The following SSUH2 variants were observed in gnomAD, a reference collection of about 807,000 sequenced individuals.
SSUH2 encodes ssu-2 homolog.
SSUH2 carries 47 observed loss-of-function variants against 55.3 expected under a neutral mutation model. The ratio of observed to expected loss-of-function variants is 0.85; its 90% CI spans 0.67 to 1.08. SSUH2 has a LOEUF of 1.08. SSUH2 is among the 50% of genes least tolerant of loss of function. The pLI is 0.00. For missense variants in SSUH2, 535 were observed against 490.7 expected (o/e 1.09, Z -0.85); for synonymous variants, 212 against 191.5 (o/e 1.11, Z -0.89).
At chr3:8,653,362 G>A (rs1337030365) in intron 7 of SSUH2, among the ~76,000 whole-genome samples, 1 of 152,102 alleles carries the variant, frequency 6.6e-6, no homozygotes, top group African/African-American at 2.4e-5. Context: ...AAAACTAATG[G>A]TCACCCCACC....
chr3:8,635,589 A>G (rs1356784214), intron 2 of SSUH2, among the ~76,000 whole-genome samples, 170 bp downstream of exon 2: 1 of 152,244 alleles, frequency 6.6e-6, no homozygotes. Flanking sequence ...CATAGACAGA[A>G]GGCCTATGCC....
At chr3:8,663,731 T>C (rs1057304536) in intron 6 of SSUH2, 3 of 451,500 alleles carry the variant, frequency 6.6e-6, no homozygotes, top group African/African-American at 2.0e-5. Flanking sequence ...CACTGGTCCA[T>C]AGACGCTCTT....
intron 7 of SSUH2, among the ~76,000 whole-genome samples, chr3:8,653,871 G>C (rs761545393): frequency 6.6e-5 from 10 of 152,080 alleles, no homozygotes; most frequent in Non-Finnish European, 1.2e-4. Flanking sequence ...GCCACTTTCC[G>C]GTACTCACTC....
rs1199114642 is a variant in SSUH2 at position 8,678,585 on chromosome 3, C to T, written c.-901+1120G>A. ...CAATCACAGAGGGGGGAACACCCCC[C>T]GCGAGGCAGGGACTGAGAGCCAGCC... On this transcript the variant is annotated intron_variant, in intron 2 of 18. Coordinates refer to the SSUH2 transcript ENST00000317371. 7.1e-5 allele frequency among the ~76,000 whole-genome samples: 8 copies of T among 113,246 alleles called. 2 individuals are homozygous for T. The highest frequency in any genetic ancestry group is 1.8e-4 in the Admixed American group (2 of 11,356). 74.3% of individuals were successfully genotyped at this position (113,246 alleles called of 152,430 possible). A position where few individuals can be genotyped will look rare whatever the true frequency, so the allele number is the denominator to read the frequency against.
chr3:8,622,103 T>C (rs374376599), intron 11 of SSUH2, among the ~76,000 whole-genome samples: 1 of 152,174 alleles, frequency 6.6e-6, no homozygotes, highest in Admixed American at 6.5e-5. Flanking sequence ...CTCAGAGTCA[T>C]GGCCATGGCT....
chr3:8,634,036 T>C, intron 3 of SSUH2: 2 of 1,326,332 alleles, frequency 1.5e-6, no homozygotes, highest in Non-Finnish European at 2.1e-6. Flanking sequence ...AATGTGGAGC[T>C]TAGGAGAAAA....
chr3:8,676,429 G>C (rs182036512), intron 3 of SSUH2, among the ~76,000 whole-genome samples: 2 of 150,938 alleles, frequency 1.3e-5, no homozygotes, highest in African/African-American at 2.4e-5. Flanking sequence ...CTCCAGGATC[G>C]TGGGAAAAAT....
chr3:8,635,208 G>A lies in SSUH2; in HGVS notation c.209+92C>T, dbSNP rs1699717175. On this transcript the variant is annotated intron_variant, in intron 3 of 11. Coordinates refer to ENST00000544814, the MANE Select transcript of SSUH2 (RefSeq NM_001256748.3). ...TCTGGGGTGCAGACGGCCCCCTCCA[G>A]GGATCCTGATGCACTGCCAGGGCTG... 1.5e-5 allele frequency: 17 copies of A among 1,119,828 alleles called. No individual in the cohort carries two copies. In the South Asian group the frequency reaches 2.6e-4, roughly 17 times the overall value. 69.4% of individuals were successfully genotyped at this position (1,119,828 alleles called of 1,614,324 possible). A position where few individuals can be genotyped will look rare whatever the true frequency, so the allele number is the denominator to read the frequency against.
upstream of SSUH2, among the ~76,000 whole-genome samples, chr3:8,648,536 C>T (rs1016368309): frequency 3.3e-5 from 5 of 152,094 alleles, no homozygotes; most frequent in African/African-American, 1.2e-4. Flanking sequence ...GTCTCCTCAG[C>T]GACAGCAAAG....
At chr3:8,672,342 T>A (rs1410538982) in intron 3 of SSUH2, among the ~76,000 whole-genome samples, 1 of 152,114 alleles carries the variant, frequency 6.6e-6, no homozygotes, top group African/African-American at 2.4e-5. Context: ...GCCCTGCACA[T>A]TACAAAAAAT....
chr3:8,675,253 G>T (rs1355842172), intron 3 of SSUH2, among the ~76,000 whole-genome samples: 8 of 152,332 alleles, frequency 5.3e-5, no homozygotes, highest in African/African-American at 1.9e-4. Context: ...GAAGCTGTTT[G>T]CCTTTCAGTG....
chr3:8,635,826 ACTCTCGGC>A lies in SSUH2; in HGVS notation c.52_59del (p.Ala18SerfsTer16). On this transcript the variant is annotated frameshift_variant, in exon 2 of 12. Coordinates refer to ENST00000544814, the MANE Select transcript of SSUH2 (RefSeq NM_001256748.3). LOFTEE classifies it high-confidence loss of function. ...GGAGCTCTGTGGGGGGCGCCAGAGG[ACTCTCGGC>A]CTCAAAACTGAGGTCCACCACACCT... 1.3e-6 allele frequency: 2 copies of A among 1,535,820 alleles called. No individual in the cohort carries two copies. Among genetic ancestry groups the A allele is most frequent in the Non-Finnish European group, 1.7e-6 (2 of 1,146,800 alleles).
chr3:8,645,424 T>C (rs1701554078), upstream of SSUH2, among the ~76,000 whole-genome samples: 2 of 152,204 alleles, frequency 1.3e-5, no homozygotes, highest in Non-Finnish European at 2.9e-5. Flanking sequence ...GAAACATCTT[T>C]GGATTTGTAA....
At chr3:8,665,602 C>T (rs1703919442) in intron 5 of SSUH2, among the ~76,000 whole-genome samples, 1 of 150,826 alleles carries the variant, frequency 6.6e-6, no homozygotes, top group Non-Finnish European at 1.5e-5. Context: ...CCACAGAGGT[C>T]ACTAAGGGAG....
intron 6 of SSUH2, 100 bp downstream of exon 6, chr3:8,630,705 G>C: frequency 1.7e-6 from 2 of 1,168,524 alleles, no homozygotes; most frequent in Non-Finnish European, 2.2e-6. Context: ...CCTGAATTTT[G>C]GGTTTCCCTT....
At chr3:8,622,157 G>A (rs574250727) in intron 11 of SSUH2, among the ~76,000 whole-genome samples, 23 of 152,192 alleles carry the variant, frequency 1.5e-4, no homozygotes, top group African/African-American at 5.5e-4. Context: ...GCTGGATTTC[G>A]GCTCTAACTT....
intron 6 of SSUH2, among the ~76,000 whole-genome samples, chr3:8,660,069 A>T (rs1575325668): frequency 6.6e-6 from 1 of 152,358 alleles, no homozygotes; most frequent in Non-Finnish European, 1.5e-5. Flanking sequence ...CAGGGAAGCT[A>T]GTCTGCTCCA....
At chr3:8,640,041 A>T (rs1700575898) in intron 1 of SSUH2, 1 of 979,658 alleles carries the variant, frequency 1.0e-6, no homozygotes, top group African/African-American at 1.8e-5. Context: ...AAACTCACAC[A>T]CACAAAGTAG....
At chr3:8,642,682 C>G in intron 1 of SSUH2, among the ~76,000 whole-genome samples, 1 of 152,170 alleles carries the variant, frequency 6.6e-6, no homozygotes, top group East Asian at 1.9e-4. Context: ...TTTTCTCCCC[C>G]TGAAGTCACT....
Sources: allele counts gnomAD v4.1 joint callset (sites outside exome capture counted in the v4.1 genomes callset), GRCh38; gene constraint gnomAD v4.1.1; transcripts MANE v1.5; gene names NCBI Gene and HGNC (gene_info 2026-07-23, HGNC 2026-07-21).